HADHA: variants seen among roughly 807,000 people sequenced by gnomAD.
HADHA encodes trifunctional enzyme subunit alpha, mitochondrial.
Under a neutral mutation model 91.3 loss-of-function variants are expected in HADHA, and 59 were observed. That is an observed-to-expected ratio of 0.65 (90% CI 0.52 to 0.80). HADHA has a LOEUF of 0.80. HADHA is among the 30% of genes least tolerant of loss of function. HADHA has a pLI of 0.00. For missense variants in HADHA, 800 were observed against 927.6 expected (o/e 0.86, Z 1.79); for synonymous variants, 320 against 338.9 (o/e 0.94, Z 0.61).
At chr2:26,243,540 T>G (rs1412974278) in intron 1 of HADHA, among the ~76,000 whole-genome samples, 1 of 152,092 alleles carries the variant, frequency 6.6e-6, no homozygotes, top group African/African-American at 2.4e-5. Flanking sequence ...AGAAAAATAT[T>G]CAATCATTAA....
intron 7 of HADHA, among the ~76,000 whole-genome samples, chr2:26,223,495 T>C (rs1399674808): frequency 2.0e-5 from 3 of 152,124 alleles, no homozygotes; most frequent in African/African-American, 7.2e-5. Flanking sequence ...GCAAAGGGAA[T>C]ATGAAAAGGG....
intron 7 of HADHA, among the ~76,000 whole-genome samples, chr2:26,219,072 C>T (rs1670307153): frequency 6.7e-6 from 1 of 148,584 alleles, no homozygotes; most frequent in Admixed American, 6.8e-5. Context: ...TACTGTAAAA[C>T]CCCAGAGCAA....
chr2:26,199,893 C>T (rs1051730604), intron 13 of HADHA, among the ~76,000 whole-genome samples: 5 of 152,096 alleles, frequency 3.3e-5, no homozygotes, highest in African/African-American at 7.2e-5. Flanking sequence ...GAGCTTCCTG[C>T]GGAATGCAGC....
chr2:26,234,463 G>T, intron 4 of HADHA, 108 bp from the exon 5 acceptor site: 1 of 950,112 alleles, frequency 1.1e-6, no homozygotes, highest in Non-Finnish European at 1.7e-6. Flanking sequence ...AATATTTGAT[G>T]ACAAATCTTC....
chr2:26,224,905 G>A (rs923073920), intron 7 of HADHA, among the ~76,000 whole-genome samples: 6 of 152,170 alleles, frequency 3.9e-5, no homozygotes, highest in Admixed American at 1.3e-4. Context: ...AGGAATGAAT[G>A]AGGAGACATC....
chr2:26,194,955 T>C (rs890226524), intron 15 of HADHA, 137 bp downstream of exon 15: 8 of 832,600 alleles, frequency 9.6e-6, no homozygotes, highest in Non-Finnish European at 1.7e-5. Flanking sequence ...CCACCGTCCA[T>C]CCTGGAGACA....
intron 1 of HADHA, among the ~76,000 whole-genome samples, chr2:26,240,234 T>C (rs1670858897): frequency 6.6e-6 from 1 of 152,186 alleles, no homozygotes; most frequent in Non-Finnish European, 1.5e-5. Context: ...CTGTTATTCA[T>C]TCAACAAAAA....
At chr2:26,196,591 G>A (rs1224609924) in intron 14 of HADHA, among the ~76,000 whole-genome samples, 1 of 152,188 alleles carries the variant, frequency 6.6e-6, no homozygotes, top group Non-Finnish European at 1.5e-5. Flanking sequence ...TGAGGGTCCT[G>A]TATCCCTTGC....
At chr2:26,236,316 G>T (rs1052965527) in intron 4 of HADHA, among the ~76,000 whole-genome samples, 1 of 149,660 alleles carries the variant, frequency 6.7e-6, no homozygotes, top group Non-Finnish European at 1.5e-5. Flanking sequence ...TAAACAAGGG[G>T]TGAGATTTCT....
chr2:26,208,055 T>C (rs1174720922), intron 11 of HADHA, among the ~76,000 whole-genome samples: 2 of 152,354 alleles, frequency 1.3e-5, no homozygotes, highest in Non-Finnish European at 2.9e-5. Flanking sequence ...ATGCTAACTT[T>C]TTCTTCAATG....
At chr2:26,232,121 A>G (rs778269523) in intron 6 of HADHA, 39 bp downstream of exon 6, 5 of 1,498,030 alleles carry the variant, frequency 3.3e-6, no homozygotes, top group Non-Finnish European at 3.7e-6. Context: ...ACAGATCTAA[A>G]GAGGGCATAT....
rs1370712739 is a variant in HADHA at position 26,244,627 on chromosome 2, G to A, written c.-31C>T. 1.3e-6 allele frequency: 2 copies of A among 1,560,508 alleles called. No homozygotes were observed. Among genetic ancestry groups the A allele is most frequent in the South Asian group, 1.2e-5 (1 of 84,894 alleles). ...GCTGAAGAGGACAGCAGTGGAGAGC[G>A]CCTCTAACGGGTGCGGCCGAGCGGA... On this transcript the variant is annotated 5_prime_UTR_variant, in exon 1 of 20. Transcript: ENST00000380649.
At chr2:26,232,041 G>A (rs1670636295) in intron 6 of HADHA, 119 bp downstream of exon 6, 3 of 766,876 alleles carry the variant, frequency 3.9e-6, no homozygotes, top group South Asian at 1.4e-5. Context: ...CACTGATCCT[G>A]TACACTCATA....
intron 10 of HADHA, 68 bp downstream of exon 10, chr2:26,212,502 T>C (rs1670126565): frequency 2.7e-6 from 3 of 1,108,752 alleles, no homozygotes; most frequent in Non-Finnish European, 4.2e-6. Context: ...TTTTCAGCTT[T>C]ATACAGAGGA....
In HADHA at chr2:26,221,187, A is replaced by C. The variant is rs1259968729; in HGVS notation, c.677-6012T>G. ...AGTAACTAAAAAAGCTGCTAGTTTAAGTGGGACCCAGAACAAGAGAAGCTG... is the reference window on the plus strand; with the variant it reads ...AGTAACTAAAAAAGCTGCTAGTTTACGTGGGACCCAGAACAAGAGAAGCTG... On this transcript the variant is annotated intron_variant, in intron 7 of 19. Coordinates refer to ENST00000380649, the MANE Select transcript of HADHA (RefSeq NM_000182.5). This position sits in a 1 kb window ranked among gnomAD's most constrained non-coding sequence, Gnocchi z 4.8. 3.9e-5 allele frequency among the ~76,000 whole-genome samples: 6 copies of C among 152,198 alleles called. No individual in the cohort carries two copies. Among genetic ancestry groups the C allele is most frequent in the Non-Finnish European group, 8.8e-5 (6 of 68,044 alleles).
chr2:26,207,815 G>A (rs1011098042), intron 11 of HADHA, among the ~76,000 whole-genome samples: 4 of 151,964 alleles, frequency 2.6e-5, no homozygotes, highest in Non-Finnish European at 5.9e-5. Context: ...TAGAACTGAT[G>A]GAATGCGTTA....
intron 2 of HADHA, 42 bp downstream of exon 2, chr2:26,239,060 A>T: frequency 6.4e-7 from 1 of 1,573,442 alleles, no homozygotes; most frequent in South Asian, 1.1e-5. Flanking sequence ...ATAAATCCAA[A>T]AAGCAATGTA....
intron 1 of HADHA, 148 bp downstream of exon 1, chr2:26,244,382 A>G: frequency 1.2e-6 from 1 of 808,258 alleles, no homozygotes; most frequent in South Asian, 1.5e-5. Context: ...AGGTCACGGG[A>G]AACCGGGTCC....
chr2:26,227,511 CAA>C (rs71399373), intron 7 of HADHA, among the ~76,000 whole-genome samples: 145 of 141,726 alleles, frequency 1.0e-3, no homozygotes, highest in Admixed American at 9.1e-4. Flanking sequence ...GACTTTGTCT[CAA>C]AAAAAAAAAA....
Sources: gnomAD v4.1 joint callset for allele counts (sites outside exome capture counted in the v4.1 genomes callset) on GRCh38, gnomAD v4.1.1 for gene constraint, Gnocchi (gnomAD v3.1) non-coding constraint, MANE v1.5 for transcripts, NCBI Gene and HGNC (gene_info 2026-07-23, HGNC 2026-07-21) for gene names.